KCNK10: variants seen among roughly 807,000 people sequenced by gnomAD.
KCNK10 encodes potassium channel subfamily K member 10.
Under a neutral mutation model 47.7 loss-of-function variants are expected in KCNK10, and 25 were observed. The ratio of observed to expected loss-of-function variants is 0.52; its 90% CI spans 0.38 to 0.73. The LOEUF (loss-of-function observed/expected upper bound fraction) is 0.73. KCNK10 is among the 30% of genes least tolerant of loss of function. KCNK10 has a pLI of 0.00. For synonymous variants in KCNK10, 303 were observed against 285.6 expected (o/e 1.06, Z -0.61); for missense variants, 563 against 714.5 (o/e 0.79, Z 2.42).
At chr14:88,223,530 A>C (rs1885887718) in intron 4 of KCNK10, among the ~76,000 whole-genome samples, 1 of 152,090 alleles carries the variant, frequency 6.6e-6, no homozygotes, top group South Asian at 2.1e-4. Flanking sequence ...GTACTGACTG[A>C]GCCCTTTCTG....
At chr14:88,313,296 A>G (rs1888363999) in intron 1 of KCNK10, among the ~76,000 whole-genome samples, 1 of 152,244 alleles carries the variant, frequency 6.6e-6, no homozygotes, top group African/African-American at 2.4e-5. Context: ...TGATTTTTCA[A>G]TATGTCTTCA....
intron 2 of KCNK10, among the ~76,000 whole-genome samples, chr14:88,244,624 C>T (rs1447223237): frequency 3.3e-5 from 5 of 151,754 alleles, no homozygotes; most frequent in African/African-American, 7.3e-5. Context: ...GCCGAGATCG[C>T]GCTACTGCAC....
Position 88,239,897 on chromosome 14 carries a change from AAAAT to A in KCNK10, c.520+802_520+805del, listed in dbSNP as rs200557429. Among the ~76,000 whole-genome samples, 655 of 82,650 alleles carry A rather than the reference AAAAT, an allele frequency of 7.9e-3. 3 individuals are homozygous for A. The highest frequency in any genetic ancestry group is 0.013 in the Non-Finnish European group (494 of 37,992). The allele number at this position is 82,650 out of a possible 152,430, so 54.2% of individuals were successfully genotyped here. ...AAAATAAAATAAAATAAAATAAAAT[AAAAT>A]AAATAAATAAATAAAGTTAACCCCT... On this transcript the variant is annotated intron_variant, in intron 3 of 6. Coordinates refer to ENST00000319231, the MANE Select transcript of KCNK10 (RefSeq NM_138317.3).
intron 1 of KCNK10, among the ~76,000 whole-genome samples, chr14:88,283,606 A>C (rs1887698769): frequency 6.6e-6 from 1 of 152,264 alleles, no homozygotes; most frequent in Non-Finnish European, 1.5e-5. Context: ...TAAGCAGAAA[A>C]TGTAAACACA....
intron 1 of KCNK10, among the ~76,000 whole-genome samples, chr14:88,312,581 A>G (rs1364025803): frequency 6.6e-6 from 1 of 152,216 alleles, no homozygotes; most frequent in Non-Finnish European, 1.5e-5. Flanking sequence ...TTACCCAAGA[A>G]AGTTAAGTTG....
intron 4 of KCNK10, among the ~76,000 whole-genome samples, chr14:88,220,467 C>T (rs1441734995): frequency 8.2e-6 from 1 of 121,388 alleles, no homozygotes; most frequent in Non-Finnish European, 1.7e-5. Flanking sequence ...TACTATAGAG[C>T]GAAAGTAATC....
chr14:88,268,657 G>T (rs980267085), intron 1 of KCNK10, among the ~76,000 whole-genome samples: 12 of 152,166 alleles, frequency 7.9e-5, no homozygotes, highest in Non-Finnish European at 1.5e-5. Context: ...CAGTCTATGA[G>T]ATTGACTACT....
intron 4 of KCNK10, among the ~76,000 whole-genome samples, chr14:88,195,823 C>T (rs2139831834): frequency 6.6e-6 from 1 of 152,296 alleles, no homozygotes; most frequent in South Asian, 2.1e-4. Flanking sequence ...CTGAGAGGCA[C>T]AAACCTCACT....
intron 1 of KCNK10, among the ~76,000 whole-genome samples, chr14:88,277,853 A>G (rs972326857): frequency 2.0e-5 from 3 of 152,120 alleles, no homozygotes; most frequent in Non-Finnish European, 2.9e-5. Flanking sequence ...TCCACTCCCC[A>G]AAATACCTTT....
At chr14:88,249,234 G>C (rs1246020744) in intron 2 of KCNK10, among the ~76,000 whole-genome samples, 2 of 152,186 alleles carry the variant, frequency 1.3e-5, no homozygotes, top group African/African-American at 4.8e-5. Flanking sequence ...CATCTCTTCT[G>C]CCCATTTCCA....
At chr14:88,270,110 G>A (rs866072413) in intron 1 of KCNK10, among the ~76,000 whole-genome samples, 1 of 148,608 alleles carries the variant, frequency 6.7e-6, no homozygotes. Flanking sequence ...CCCCGCAGCC[G>A]ACCTCCCACC....
At chr14:88,210,373 G>C (rs768007367) in intron 4 of KCNK10, among the ~76,000 whole-genome samples, 7 of 152,186 alleles carry the variant, frequency 4.6e-5, no homozygotes, top group Non-Finnish European at 8.8e-5. Flanking sequence ...TATCCCTATA[G>C]TGTTGAGAAC....
intron 1 of KCNK10, among the ~76,000 whole-genome samples, chr14:88,281,736 A>G (rs1007938239): frequency 1.5e-4 from 22 of 150,050 alleles, no homozygotes; most frequent in African/African-American, 5.4e-4. Flanking sequence ...CCATATATAT[A>G]TATATATATA....
chr14:88,326,290 T>G (rs1452232494), upstream of KCNK10: 1 of 705,146 alleles, frequency 1.4e-6, no homozygotes, highest in Non-Finnish European at 2.5e-6. Flanking sequence ...GTATTTGGAG[T>G]GGACTGCATG....
chr14:88,221,613 G>A (rs1446366183), intron 4 of KCNK10, among the ~76,000 whole-genome samples: 3 of 152,142 alleles, frequency 2.0e-5, no homozygotes, highest in African/African-American at 7.2e-5. Flanking sequence ...GTACAAAATT[G>A]TATAGCCACT....
intron 4 of KCNK10, among the ~76,000 whole-genome samples, chr14:88,220,287 G>A (rs1885757676): frequency 6.7e-6 from 1 of 149,406 alleles, no homozygotes; most frequent in Admixed American, 6.6e-5. Context: ...CGTAGTGGCG[G>A]GCGCCTGTAG....
intron 4 of KCNK10, among the ~76,000 whole-genome samples, chr14:88,220,052 G>A (rs1015009392): frequency 3.3e-5 from 5 of 152,068 alleles, no homozygotes; most frequent in Non-Finnish European, 5.9e-5. Flanking sequence ...TCCATAAAAG[G>A]AGCTGATGTC....
At chr14:88,308,584 C>T (rs1322355776) in intron 1 of KCNK10, among the ~76,000 whole-genome samples, 5 of 152,234 alleles carry the variant, frequency 3.3e-5, no homozygotes, top group Non-Finnish European at 2.9e-5. Flanking sequence ...ACACGCATCC[C>T]GGCACAGGCA....
At chr14:88,204,007 C>A (rs189335223) in intron 4 of KCNK10, among the ~76,000 whole-genome samples, 2 of 152,140 alleles carry the variant, frequency 1.3e-5, no homozygotes, top group African/African-American at 4.8e-5. Context: ...CGATTATCAA[C>A]GTGTTAGTGG....
Sources: allele counts gnomAD v4.1 joint callset (sites outside exome capture counted in the v4.1 genomes callset), GRCh38; gene constraint gnomAD v4.1.1; transcripts MANE v1.5; gene names NCBI Gene and HGNC (gene_info 2026-07-23, HGNC 2026-07-21).